Variants in RBFOX3 observed in about 807,000 individuals in gnomAD.
RBFOX3 encodes RNA binding fox-1 homolog 3.
Under a neutral mutation model 48.7 loss-of-function variants are expected in RBFOX3, and 17 were observed. The ratio of observed to expected loss-of-function variants is 0.35; its 90% confidence interval spans 0.24 to 0.52. The LOEUF is 0.52. Ranked by LOEUF, RBFOX3 falls within the 20% of genes least tolerant of loss-of-function variation. The probability of loss-of-function intolerance (pLI) is 0.94; values close to 1 mark genes in which losing one functional copy is unlikely to be tolerated. For synonymous variants in RBFOX3, 212 were observed against 209.5 expected, an observed-to-expected ratio of 1.01 and a Z score of -0.10; for missense variants, 382 against 497.5, an observed-to-expected ratio of 0.77 and a Z score of 2.21.
At chr17:79,577,944 G>A (rs1032207950) in intron 1 of RBFOX3, among the ~76,000 whole-genome samples, 4 of 152,234 alleles carry the variant, frequency 2.6e-5, no homozygotes, top group Non-Finnish European at 4.4e-5. Flanking sequence ...TCAGGGGCCC[G>A]TGCAGACCCA....
chr17:79,391,684 C>T lies in RBFOX3; in HGVS notation c.-174-83860G>A, dbSNP rs1468123706. 6.6e-6 allele frequency among the ~76,000 whole-genome samples: 1 copy of T among 152,158 alleles called. No homozygotes were observed. The highest frequency in any genetic ancestry group is 6.5e-5 in the Admixed American group (1 of 15,286). ...CGTGTGTACTTGCCTGCCTGTGCAT[C>T]CACATATATGTGCGTGTGAGCGTGT... On this transcript the variant is annotated intron_variant, in intron 2 of 14. Coordinates refer to ENST00000693108, the MANE Select transcript of RBFOX3 (RefSeq NM_001350451.2). The surrounding 1 kb of genome is among the most constrained non-coding windows in gnomAD (Gnocchi z 5.0).
intron 3 of RBFOX3, among the ~76,000 whole-genome samples, chr17:79,255,222 CGTGTGTGT>C (rs142604866): frequency 9.5e-5 from 14 of 147,422 alleles, no homozygotes; most frequent in Admixed American, 5.4e-4. Context: ...CACATGTGTG[CGTGTGTGT>C]GTGTGTGTGT....
At chr17:79,620,567 GCGCGTGCACA>G in the RBFOX3 span, among the ~76,000 whole-genome samples, 1 of 114,102 alleles carries the variant, frequency 8.8e-6, no homozygotes, top group African/African-American at 3.4e-5. Context: ...GTGCACACCC[GCGCGTGCACA>G]CACGCACGCA....
intron 1 of RBFOX3, among the ~76,000 whole-genome samples, chr17:79,596,426 AG>A (rs1352945806): frequency 6.6e-6 from 1 of 151,950 alleles, no homozygotes; most frequent in Non-Finnish European, 1.5e-5. Context: ...AGCACCAGCC[AG>A]GGGTGGGCCA....
At chr17:79,650,806 G>T in the RBFOX3 span, among the ~76,000 whole-genome samples, 1 of 152,156 alleles carries the variant, frequency 6.6e-6, no homozygotes, top group Non-Finnish European at 1.5e-5. Context: ...ATCGACGTCA[G>T]CGCCCACCAG....
intron 1 of RBFOX3, among the ~76,000 whole-genome samples, chr17:79,491,280 G>A: frequency 6.6e-6 from 1 of 151,488 alleles, no homozygotes; most frequent in Non-Finnish European, 1.5e-5. Flanking sequence ...AGGACTAGGG[G>A]TAGCAGGAGA....
intron 2 of RBFOX3, among the ~76,000 whole-genome samples, chr17:79,415,440 C>T (rs1265500443): frequency 2.6e-5 from 4 of 152,198 alleles, no homozygotes; most frequent in Non-Finnish European, 5.9e-5. Context: ...CCGACCCTAG[C>T]GGCTGTGGAA....
At chr17:79,403,122 GACTT>G (rs2063028241) in intron 2 of RBFOX3, among the ~76,000 whole-genome samples, 1 of 152,190 alleles carries the variant, frequency 6.6e-6, no homozygotes, top group Non-Finnish European at 1.5e-5. Flanking sequence ...GAAGGAGGAA[GACTT>G]GGCTCCCTCC....
At chr17:79,519,829 C>T (rs942707250) in intron 1 of RBFOX3, among the ~76,000 whole-genome samples, 4 of 152,162 alleles carry the variant, frequency 2.6e-5, no homozygotes, top group African/African-American at 9.7e-5. Flanking sequence ...TGGCTGGCAA[C>T]ACCCATATGT....
At chr17:79,536,544 G>A (rs1555788745) in intron 1 of RBFOX3, among the ~76,000 whole-genome samples, 1 of 152,258 alleles carries the variant, frequency 6.6e-6, no homozygotes, top group East Asian at 1.9e-4. Context: ...GGTGGCATCA[G>A]CCCCGTCAAC....
upstream of RBFOX3, among the ~76,000 whole-genome samples, chr17:79,615,010 C>T (rs2093988522): frequency 6.6e-6 from 1 of 151,204 alleles, no homozygotes; most frequent in Non-Finnish European, 1.5e-5. Flanking sequence ...TCCACAAAAT[C>T]GATGGAAATG....
rs894331638 is a variant in RBFOX3, at chr17:79,111,993, G to A, written c.222+3501C>T. On this transcript the variant is annotated intron_variant, in intron 5 of 14. Transcript: ENST00000693108. This position sits in a 1 kb window ranked among gnomAD's most constrained non-coding sequence, Gnocchi z 4.2. ...GAGCGGTGAGAGAAACGGAGCCTAT[G>A]TGCAGGTGTGCGTGCCCCTTGTGGG... Among the ~76,000 whole-genome samples the A allele has an allele frequency of 3.9e-5, 6 of 152,248 alleles. No homozygotes were observed. Among genetic ancestry groups the A allele is most frequent in the Non-Finnish European group, 8.8e-5 (6 of 68,046 alleles).
At chr17:79,301,041 C>T (rs75501047) in intron 3 of RBFOX3, among the ~76,000 whole-genome samples, 7,191 of 152,260 alleles carry the variant, frequency 0.047, 198 homozygotes, top group Middle Eastern at 0.068. Flanking sequence ...TGAAATCTTG[C>T]GGGCCACCAG....
intron 4 of RBFOX3, among the ~76,000 whole-genome samples, chr17:79,208,144 C>G (rs955836576): frequency 6.6e-6 from 1 of 152,122 alleles, no homozygotes; most frequent in Non-Finnish European, 1.5e-5. Context: ...GTTGGTAGAA[C>G]CACAACCAAG....
rs1333999856 is a variant in RBFOX3, at chr17:79,111,025, G to A, written c.223-4237C>T. Among the ~76,000 whole-genome samples the A allele has an allele frequency of 1.3e-5, 2 of 152,266 alleles. No homozygotes were observed. Among genetic ancestry groups the A allele is most frequent in the African/African-American group, 4.8e-5 (2 of 41,478 alleles). Reference sequence around the variant, plus strand: ...GCTGCAGCTCCTGGCTGAGGGGAGAGGGCCTTGGCCAGACTGTGAAGCCTG... The same window carrying A: ...GCTGCAGCTCCTGGCTGAGGGGAGAAGGCCTTGGCCAGACTGTGAAGCCTG... On this transcript the variant is annotated intron_variant, in intron 5 of 14. Transcript: ENST00000693108. The surrounding 1 kb of genome is among the most constrained non-coding windows in gnomAD (Gnocchi z 4.2).
chr17:79,094,024 G>C (rs530471840), intron 14 of RBFOX3, among the ~76,000 whole-genome samples: 11 of 152,126 alleles, frequency 7.2e-5, no homozygotes, highest in African/African-American at 2.7e-4. Context: ...GCAGCAGTGC[G>C]GGTGGGCCGT....
chr17:79,482,904 C>T lies in RBFOX3; in HGVS notation c.-319-306G>A, dbSNP rs1443627532. 1.3e-5 allele frequency among the ~76,000 whole-genome samples: 2 copies of T among 151,902 alleles called. No individual in the cohort carries two copies. Among genetic ancestry groups the T allele is most frequent in the Non-Finnish European group, 2.9e-5 (2 of 67,968 alleles). On this transcript the variant is annotated intron_variant, in intron 1 of 14. Coordinates refer to ENST00000693108, the MANE Select transcript of RBFOX3 (RefSeq NM_001350451.2). This position sits in a 1 kb window ranked among gnomAD's most constrained non-coding sequence, Gnocchi z 4.1. ...GCCCGCTTGCAATGGTCCCCCAATC[C>T]CAGGGACTCTTCCACCCCACCACGC...
At chr17:79,375,358 G>GACATACAC in intron 2 of RBFOX3, among the ~76,000 whole-genome samples, 1 of 136,292 alleles carries the variant, frequency 7.3e-6, no homozygotes, top group East Asian at 2.3e-4. Context: ...GAAGACAGAA[G>GACATACAC]ACACACACAC....
chr17:79,224,906 C>G lies in RBFOX3; in HGVS notation c.-34+10860G>C, dbSNP rs927017085. Among the ~76,000 whole-genome samples, 21 of 152,320 alleles carry G rather than the reference C, an allele frequency of 1.4e-4. 1 individual carries two copies. The highest frequency in any genetic ancestry group is 5.1e-4 in the African/African-American group (21 of 41,568). ...TTCACCCCTGGTGCTAGCCAGCTAA[C>G]CAGGAAAACTATTAGTTATTCCTCT... On this transcript the variant is annotated intron_variant, in intron 4 of 14. Transcript: ENST00000693108.
Sources: allele counts gnomAD v4.1 joint callset (sites outside exome capture counted in the v4.1 genomes callset), GRCh38; gene constraint gnomAD v4.1.1; non-coding constraint Gnocchi (gnomAD v3.1); transcripts MANE v1.5; gene names NCBI Gene and HGNC (gene_info 2026-07-23, HGNC 2026-07-21).